SYNPR: variants seen among roughly 807,000 people sequenced by gnomAD.
The protein encoded by SYNPR is synaptoporin.
Under a neutral mutation model 32.9 loss-of-function variants are expected in SYNPR, and 23 were observed. The observed-to-expected ratio is 0.70, with a 90% CI of 0.50 to 0.99. The LOEUF is 0.99. Ranked by LOEUF, SYNPR falls within the 50% of genes least tolerant of loss-of-function variation. The probability of loss-of-function intolerance (pLI) is 0.00; values close to 1 mark genes in which losing one functional copy is unlikely to be tolerated. For synonymous variants in SYNPR, 146 were observed against 135.9 expected, an observed-to-expected ratio of 1.07 and a Z score of -0.52; for missense variants, 318 against 349.3, an observed-to-expected ratio of 0.91 and a Z score of 0.71.
chr3:63,347,668 C>T (rs2087454727), intron 2 of SYNPR, among the ~76,000 whole-genome samples: 1 of 152,092 alleles, frequency 6.6e-6, no homozygotes, highest in Admixed American at 6.6e-5. Flanking sequence ...GTCTGTTATT[C>T]CACATTCTAT....
At chr3:63,274,902 G>T (rs1483500514), upstream of SYNPR, among the ~76,000 whole-genome samples, 1 of 152,100 alleles carries the variant, frequency 6.6e-6, no homozygotes, top group Non-Finnish European at 1.5e-5. Flanking sequence ...TGGCGGGAAG[G>T]GCCCAAATCA....
At chr3:63,374,024 C>G (rs751359550) in intron 2 of SYNPR, among the ~76,000 whole-genome samples, 1 of 152,120 alleles carries the variant, frequency 6.6e-6, no homozygotes, top group Non-Finnish European at 1.5e-5. Flanking sequence ...TTCCGATAAG[C>G]AAATGCTGAG....
At chr3:63,549,227 A>G (rs1702461479) in intron 3 of SYNPR, among the ~76,000 whole-genome samples, 2 of 152,198 alleles carry the variant, frequency 1.3e-5, no homozygotes, top group Admixed American at 6.5e-5. Flanking sequence ...CCTAATTCAC[A>G]TACTTCAAGG....
rs181301540 is a variant in SYNPR at position 63,552,193 on chromosome 3, C to T, written c.210-4350C>T. On this transcript the variant is annotated intron_variant, in intron 3 of 5. Coordinates refer to ENST00000478300, the MANE Select transcript of SYNPR (RefSeq NM_001130003.2). ...GATTACAGGCATGAGCCACCGCACC[C>T]GGCCGCATCTGGCTATTATGTGAAC... Among the ~76,000 whole-genome samples the T allele has an allele frequency of 6.1e-4, 93 of 152,182 alleles. 1 individual carries two copies. Among genetic ancestry groups the T allele is most frequent in the African/African-American group, 1.9e-3 (78 of 41,526 alleles).
intron 2 of SYNPR, among the ~76,000 whole-genome samples, chr3:63,281,319 A>G (rs531496295): frequency 2.7e-3 from 413 of 152,314 alleles, no homozygotes; most frequent in Non-Finnish European, 4.8e-3. Context: ...AGCAATGGAG[A>G]GCAGCTTTAA....
rs1416813636 is a variant in SYNPR at position 63,298,729 on chromosome 3, G to A, written c.84+19987G>A. On this transcript the variant is annotated intron_variant, in intron 2 of 5. Transcript: ENST00000478300. ...ATTCAAGTACCTTATTTGGGAGGTA[G>A]TCCCAGGAAACACTGGTAAGGGAGT... 2.6e-5 allele frequency among the ~76,000 whole-genome samples: 4 copies of A among 152,124 alleles called. 1 individual carries two copies. The highest frequency in any genetic ancestry group is 9.7e-5 in the African/African-American group (4 of 41,428).
upstream of SYNPR, among the ~76,000 whole-genome samples, chr3:63,226,455 G>C (rs943586427): frequency 2.0e-5 from 3 of 151,916 alleles, 1 homozygote; most frequent in Non-Finnish European, 4.4e-5. Context: ...TCAACCTAAG[G>C]GTCCATCAAC....
At chr3:63,310,633 T>C (rs901169115) in intron 2 of SYNPR, among the ~76,000 whole-genome samples, 3 of 151,992 alleles carry the variant, frequency 2.0e-5, no homozygotes, top group African/African-American at 7.2e-5. Context: ...CTTTCCTTGC[T>C]CCAAGGCCTC....
intron 2 of SYNPR, among the ~76,000 whole-genome samples, chr3:63,285,107 T>C (rs1054780095): frequency 3.6e-4 from 55 of 152,232 alleles, no homozygotes; most frequent in African/African-American, 1.0e-3. Flanking sequence ...AAAGCAGATG[T>C]TATCCTATTT....
intron 4 of SYNPR, among the ~76,000 whole-genome samples, chr3:63,579,801 AC>A (rs2106859015): frequency 7.1e-6 from 1 of 140,776 alleles, no homozygotes; most frequent in Non-Finnish European, 1.5e-5. Context: ...ACACACACAC[AC>A]ACACACACAC....
chr3:63,495,635 G>A (rs1432419205), intron 3 of SYNPR, among the ~76,000 whole-genome samples: 3 of 152,058 alleles, frequency 2.0e-5, no homozygotes, highest in African/African-American at 7.2e-5. Context: ...GCATTCTGTT[G>A]TTTAAGTTAA....
chr3:63,337,123 T>C (rs957262954), intron 2 of SYNPR, among the ~76,000 whole-genome samples: 1 of 150,556 alleles, frequency 6.6e-6, no homozygotes, highest in African/African-American at 2.5e-5. Flanking sequence ...TCCCAGCTAC[T>C]TGGGAGGCTG....
intron 4 of SYNPR, among the ~76,000 whole-genome samples, chr3:63,567,722 G>A (rs1418688678): frequency 6.6e-6 from 1 of 152,204 alleles, no homozygotes; most frequent in Non-Finnish European, 1.5e-5. Flanking sequence ...AATTTGCCCT[G>A]GGAACAGGTA....
At chr3:63,330,683 TTAATC>T (rs1030145726) in intron 2 of SYNPR, among the ~76,000 whole-genome samples, 16 of 152,296 alleles carry the variant, frequency 1.1e-4, no homozygotes, top group African/African-American at 3.4e-4. Context: ...TTTAATTCCT[TTAATC>T]TATGTATGAG....
intron 3 of SYNPR, among the ~76,000 whole-genome samples, chr3:63,538,430 T>A (rs999602897): frequency 4.8e-5 from 7 of 146,982 alleles, no homozygotes; most frequent in Non-Finnish European, 1.1e-4. Flanking sequence ...CTCGGTGGAG[T>A]CAGAACTGTT....
chr3:63,209,978 A>C, the SYNPR span, among the ~76,000 whole-genome samples: 2 of 152,150 alleles, frequency 1.3e-5, no homozygotes, highest in Non-Finnish European at 2.9e-5. Flanking sequence ...GTATTTTGTA[A>C]TTAAATGAGG....
At chr3:63,238,404 G>A (rs1208026175) in intron 1 of SYNPR, among the ~76,000 whole-genome samples, 1 of 151,912 alleles carries the variant, frequency 6.6e-6, no homozygotes, top group African/African-American at 2.4e-5. Context: ...GGTCTGATTG[G>A]TTCGGGCTTT....
At chr3:63,397,251 G>C (rs2088227905) in intron 2 of SYNPR, among the ~76,000 whole-genome samples, 1 of 152,124 alleles carries the variant, frequency 6.6e-6, no homozygotes, top group Admixed American at 6.6e-5. Flanking sequence ...CTGAGATCTG[G>C]AACCAACCAC....
intron 3 of SYNPR, among the ~76,000 whole-genome samples, chr3:63,553,559 C>T (rs951682464): frequency 6.6e-6 from 1 of 152,192 alleles, no homozygotes; most frequent in African/African-American, 2.4e-5. Context: ...TCCCTTTTCT[C>T]TGCAGTCTTG....
Sources: allele counts gnomAD v4.1 joint callset (sites outside exome capture counted in the v4.1 genomes callset), GRCh38; gene constraint gnomAD v4.1.1; transcripts MANE v1.5; gene names NCBI Gene and HGNC (gene_info 2026-07-23, HGNC 2026-07-21).